The following VSIR variants were observed in gnomAD, a reference collection of about 807,000 sequenced individuals.
VSIR encodes the protein V-set immunoregulatory receptor.
VSIR carries 10 observed loss-of-function variants against 31.0 expected under a neutral mutation model. The observed-to-expected ratio is 0.32, with a 90% CI of 0.20 to 0.55. VSIR has a LOEUF of 0.55. Ranked by LOEUF, VSIR falls within the 20% of genes least tolerant of loss-of-function variation. The probability of loss-of-function intolerance (pLI) is 0.93; values close to 1 mark genes in which losing one functional copy is unlikely to be tolerated. For missense variants in VSIR, 356 were observed against 416.2 expected, an observed-to-expected ratio of 0.86 and a Z score of 1.26; for synonymous variants, 179 against 180.1, an observed-to-expected ratio of 0.99 and a Z score of 0.05.
intron 1 of VSIR, among the ~76,000 whole-genome samples, chr10:71,765,657 A>G (rs1840521973): frequency 6.6e-6 from 1 of 152,146 alleles, no homozygotes; most frequent in Non-Finnish European, 1.5e-5. Context: ...GGGTGGGTGC[A>G]TCAGAGAGAA....
At chr10:71,761,530 G>A in intron 2 of VSIR, 68 bp downstream of exon 2, 1 of 1,460,886 alleles carries the variant, frequency 6.8e-7, no homozygotes, top group Non-Finnish European at 9.1e-7. Context: ...ACAGTGTCAT[G>A]AATGGTCACA....
At chr10:71,757,531 A>G (rs760877813) in intron 3 of VSIR, 2 of 152,400 alleles carry the variant, frequency 1.3e-5, no homozygotes, top group Admixed American at 6.5e-5. Context: ...AAGCGTGGCC[A>G]GTGCCTGGGC....
Position 71,761,590 on chromosome 10 carries a change from G to A in VSIR, c.511+8C>T. On this transcript the variant is annotated splice_region_variant and intron_variant, in intron 2 of 6. Transcript: ENST00000394957. ...CACGCCAGGCTGTCACGTGCAGGAT[G>A]CCCTCACCTGTCTGCACCTGCAGCT... The A allele has an allele frequency of 6.4e-7, 1 of 1,569,406 alleles. No individual in the cohort carries two copies. Among genetic ancestry groups the A allele is most frequent in the African/African-American group, 1.3e-5 (1 of 74,406 alleles).
At chr10:71,759,488 CAGAG>C (rs767307002) in intron 3 of VSIR, among the ~76,000 whole-genome samples, 31 of 150,716 alleles carry the variant, frequency 2.1e-4, no homozygotes, top group Admixed American at 7.9e-4. Flanking sequence ...GCCTGAGTGA[CAGAG>C]AGAGAGTCTT....
Position 71,773,482 on chromosome 10 carries a change from G to C in VSIR, c.-43C>G, listed in dbSNP as rs181827786. 3 of 1,549,874 alleles carry C rather than the reference G, an allele frequency of 1.9e-6. No homozygotes were observed. The South Asian group carries it at 3.5e-5, about 18-fold the overall frequency. On this transcript the variant is annotated 5_prime_UTR_variant, in exon 1 of 7. Transcript: ENST00000394957. Reference sequence around the variant, plus strand: ...AGAGGAACTTCTGGTGCCGGGGAGCGGGCGGGACGCGGCCGGCGCGGGGAA... The same window carrying C: ...AGAGGAACTTCTGGTGCCGGGGAGCCGGCGGGACGCGGCCGGCGCGGGGAA...
chr10:71,768,045 G>A (rs986713997), intron 1 of VSIR, among the ~76,000 whole-genome samples: 9 of 152,212 alleles, frequency 5.9e-5, no homozygotes, highest in African/African-American at 2.2e-4. Flanking sequence ...GCTCCAGCCA[G>A]CCACCCTCAC....
At position 71,761,479 on chromosome 10, in the gene VSIR, G is replaced by A. The variant is rs527767661; in HGVS notation, c.511+119C>T. ...CCCCATCTCACCCACACACTCCCTG[G>A]AGTGCCAGTGTTACCCATGCAGCCT... is the stretch of plus-strand genomic sequence containing the variant. On this transcript the variant is annotated intron_variant, in intron 2 of 6. Transcript: ENST00000394957. The A allele has an allele frequency of 7.6e-4, 914 of 1,202,898 alleles. 8 individuals carry two copies. The African/African-American group carries it at 0.012, about 16-fold the overall frequency. 74.5% of individuals were successfully genotyped at this position (1,202,898 alleles called of 1,614,324 possible). A position where few individuals can be genotyped will look rare whatever the true frequency, so the allele number is the denominator to read the frequency against.
intron 1 of VSIR, among the ~76,000 whole-genome samples, chr10:71,771,610 G>A (rs559149201): frequency 1.3e-5 from 2 of 152,340 alleles, no homozygotes; most frequent in East Asian, 3.9e-4. Flanking sequence ...TGAGGTCCCA[G>A]AGCAATTCAA....
rs748600788 is a variant in VSIR at position 71,750,934 on chromosome 10, G to A, written c.*319C>T. The stretch of plus-strand genomic sequence containing the variant: ...CATCCCAAGGCTCATGTCTCAGAAC[G>A]AGAGCTGCTGAAGGGCTGGACGTTC... On this transcript the variant is annotated 3_prime_UTR_variant, in exon 7 of 7. Coordinates refer to ENST00000394957, the MANE Select transcript of VSIR (RefSeq NM_022153.2). 1 of 295,704 alleles carries A rather than the reference G, an allele frequency of 3.4e-6. No individual in the cohort carries two copies. Among genetic ancestry groups the A allele is most frequent in the Non-Finnish European group, 6.3e-6 (1 of 158,842 alleles). 18.3% of individuals were successfully genotyped at this position (295,704 alleles called of 1,614,324 possible). A position where few individuals can be genotyped will look rare whatever the true frequency, so the allele number is the denominator to read the frequency against.
intron 3 of VSIR, among the ~76,000 whole-genome samples, chr10:71,759,846 C>CACACACACACACAT (rs776230069): frequency 0.071 from 4,272 of 59,806 alleles, 407 homozygotes; most frequent in East Asian, 0.14. Flanking sequence ...CACACACACA[C>CACACACACACACAT]ATATACACAC....
chr10:71,761,845 G>A lies in VSIR; in HGVS notation c.264C>T (p.Pro88=), dbSNP rs1840397207. 6.2e-7 allele frequency: 1 copy of A among 1,614,152 alleles called. No homozygotes were observed. The highest frequency in any genetic ancestry group is 8.5e-7 in the Non-Finnish European group (1 of 1,180,032). Residue 88 remains proline, a synonymous_variant, in exon 2 of 7, where the codon CCC becomes CCT. Coordinates refer to ENST00000394957, the MANE Select transcript of VSIR (RefSeq NM_022153.2). ...GGTCCTGGAACGTGAGGTTGCGGAT[G>A]GGCCGGCGCTCTGAGCAGGTCTGCA... ...GEVQTCSERR[P]IRNLTFQDLH... is the part of the protein sequence containing the mutation.
Position 71,747,758 on chromosome 10 carries a change from G to A in VSIR, c.*3495C>T, listed in dbSNP as rs1241204567. ...GAAAAGGCCAAGAAACAGCATGCAT[G>A]CTGCCACTTCCCTCTCCCGTGCCCA... On this transcript the variant is annotated 3_prime_UTR_variant, in exon 7 of 7. Coordinates refer to ENST00000394957, the MANE Select transcript of VSIR (RefSeq NM_022153.2). The A allele has an allele frequency of 6.6e-6, 1 of 152,300 alleles. No homozygotes were observed. The highest frequency in any genetic ancestry group is 1.5e-5 in the Non-Finnish European group (1 of 68,064). The allele number at this position is 152,300 out of a possible 1,614,324, so 9.4% of individuals were successfully genotyped here.
intron 3 of VSIR, among the ~76,000 whole-genome samples, chr10:71,759,141 G>A (rs1053100919): frequency 2.6e-5 from 4 of 151,978 alleles, no homozygotes; most frequent in Non-Finnish European, 4.4e-5. Flanking sequence ...GGGTTCAAGC[G>A]ATTCTCTTGC....
chr10:71,770,003 C>T (rs1266932993), intron 1 of VSIR, among the ~76,000 whole-genome samples: 3 of 152,216 alleles, frequency 2.0e-5, no homozygotes, highest in African/African-American at 7.2e-5. Context: ...ATGGGCATTT[C>T]AGACTGTGAG....
At position 71,761,929 on chromosome 10, in the gene VSIR, C is replaced by T; in HGVS notation, c.180G>A (p.Val60=). 3 of 1,614,066 alleles carry T rather than the reference C, an allele frequency of 1.9e-6. No homozygotes were observed. The highest frequency in any genetic ancestry group is 2.5e-6 in the Non-Finnish European group (3 of 1,180,030). ...AGAAGGTCACATCGTGCCCTTTGTC[C>T]ACAGGGCCCAAGAGCCTGCAGGTGA... ...VTLTCRLLGP[V]DKGHDVTFYK... The change falls in exon 2 of 7, where the codon GTG becomes GTA. Residue 60 remains valine (V), a synonymous_variant. Coordinates refer to ENST00000394957, the MANE Select transcript of VSIR (RefSeq NM_022153.2).
At chr10:71,760,303 A>AAAAAGACT (rs1840342606) in intron 3 of VSIR, among the ~76,000 whole-genome samples, 1 of 105,834 alleles carries the variant, frequency 9.4e-6, no homozygotes, top group Non-Finnish European at 2.3e-5. Flanking sequence ...ATATATATGT[A>AAAAAGACT]TATACACACA....
chr10:71,762,082 A>T (rs1045865582), intron 1 of VSIR, 56 bp from the exon 2 acceptor site: 1 of 1,513,966 alleles, frequency 6.6e-7, no homozygotes, highest in Non-Finnish European at 8.8e-7. Context: ...ACTCCTGGCA[A>T]CCCCAGAGCG....
In VSIR at chr10:71,760,918, T is replaced by C. The variant is rs755835959; in HGVS notation, c.518A>G (p.Asp173Gly). The change falls in exon 3 of 7, where the codon GAT becomes GGT. Residue 173 changes from aspartate to glycine, a missense_variant. Physicochemically the swap from Asp to Gly is moderately conservative, Grantham distance 94. Around this residue, in one of 2 missense-constraint regions of VSIR, gnomAD observed 190 missense variants for 185.2 expected, o/e 1.03. Coordinates refer to ENST00000394957, the MANE Select transcript of VSIR (RefSeq NM_022153.2). ...AMELQVQTGK[D>G]APSNCVVYPS... The stretch of plus-strand genomic sequence containing the variant: ...GTACACCACACAGTTGGATGGTGCA[T>C]CTTTGCCTGTGGGAACAAACAGAAG... 1 of 1,613,816 alleles carries C rather than the reference T, an allele frequency of 6.2e-7. No homozygotes were observed. Among genetic ancestry groups the C allele is most frequent in the Non-Finnish European group, 8.5e-7 (1 of 1,179,760 alleles).
In VSIR at chr10:71,760,884, G is replaced by A. The variant is rs1444768675; in HGVS notation, c.552C>T (p.Ser184=). ...APSNCVVYPS[S]SQDSENITAA... Reference sequence around the variant, plus strand: ...GTCCCTTACTTTCACTATCCTGGGAGGAGGATGGGTACACCACACAGTTGG... The same window carrying A: ...GTCCCTTACTTTCACTATCCTGGGAAGAGGATGGGTACACCACACAGTTGG... The change falls in exon 3 of 7, where the codon TCC becomes TCT. Residue 184 remains serine, a synonymous_variant. Transcript: ENST00000394957. 3 of 1,613,642 alleles carry A rather than the reference G, an allele frequency of 1.9e-6. No homozygotes were observed. Among genetic ancestry groups the A allele is most frequent in the African/African-American group, 2.7e-5 (2 of 74,890 alleles).
Sources: gnomAD v4.1 joint callset for allele counts (sites outside exome capture counted in the v4.1 genomes callset) on GRCh38, gnomAD v4.1.1 for gene constraint, gnomAD v4.1.1 regional missense constraint, MANE v1.5 for transcripts, NCBI Gene and HGNC (gene_info 2026-07-23, HGNC 2026-07-21) for gene names.